The following CNTNAP4 variants were observed in gnomAD, a reference collection of about 807,000 sequenced individuals.
CNTNAP4 encodes the protein contactin associated protein family member 4.
CNTNAP4 carries 98 observed loss-of-function variants against 148.4 expected under a neutral mutation model. That is an observed-to-expected ratio of 0.66 (90% CI 0.56 to 0.78). The LOEUF is 0.78. Among genes scored for constraint, CNTNAP4 ranks in the 30% least tolerant of loss-of-function variants. The probability of loss-of-function intolerance (pLI) is 0.00; values close to 1 mark genes in which losing one functional copy is unlikely to be tolerated. For synonymous variants in CNTNAP4, 730 were observed against 565.1 expected (o/e 1.29, Z -4.14); for missense variants, 1,935 against 1,565.6 (o/e 1.24, Z -3.98).
chr16:76,468,028 G>C (rs1459120977), intron 10 of CNTNAP4, among the ~76,000 whole-genome samples: 3 of 152,074 alleles, frequency 2.0e-5, no homozygotes, highest in African/African-American at 7.2e-5. Flanking sequence ...TCTCTGGAGG[G>C]AAAATGAAAA....
chr16:76,407,950 C>A (rs377126422), intron 3 of CNTNAP4, among the ~76,000 whole-genome samples: 2 of 152,024 alleles, frequency 1.3e-5, no homozygotes, highest in African/African-American at 2.4e-5. Context: ...ACAGTCACCC[C>A]AACCTTCAGC....
chr16:76,328,603 A>G (rs1004307360), intron 2 of CNTNAP4, among the ~76,000 whole-genome samples: 3 of 152,186 alleles, frequency 2.0e-5, no homozygotes, highest in Non-Finnish European at 2.9e-5. Flanking sequence ...TAATGTATCA[A>G]TAGTGATGCA....
intron 4 of CNTNAP4, among the ~76,000 whole-genome samples, chr16:76,437,461 C>T (rs945456223): frequency 6.6e-6 from 1 of 152,124 alleles, no homozygotes; most frequent in Non-Finnish European, 1.5e-5. Flanking sequence ...AGGGTCATGG[C>T]AAAAGAATTC....
At chr16:76,373,004 A>C (rs960711449) in intron 3 of CNTNAP4, among the ~76,000 whole-genome samples, 1 of 152,226 alleles carries the variant, frequency 6.6e-6, no homozygotes, top group African/African-American at 2.4e-5. Flanking sequence ...GATTACTTCG[A>C]ATCTGAAATA....
intron 1 of CNTNAP4, among the ~76,000 whole-genome samples, chr16:76,315,629 C>A (rs1961644336): frequency 6.6e-6 from 1 of 151,868 alleles, no homozygotes; most frequent in African/African-American, 2.4e-5. Flanking sequence ...GCGTCTTACT[C>A]CGTCACCCAG....
At chr16:76,531,871 G>A (rs1290716167) in intron 17 of CNTNAP4, among the ~76,000 whole-genome samples, 1 of 152,078 alleles carries the variant, frequency 6.6e-6, no homozygotes, top group Non-Finnish European at 1.5e-5. Flanking sequence ...AAACTATTTG[G>A]TTAGGTAAAT....
At chr16:76,412,920 G>T (rs981821691) in intron 3 of CNTNAP4, among the ~76,000 whole-genome samples, 1 of 151,400 alleles carries the variant, frequency 6.6e-6, no homozygotes, top group Admixed American at 6.6e-5. Flanking sequence ...TCACATTTAT[G>T]TCTACAGTCT....
At chr16:76,510,965 T>C (rs923758654) in intron 15 of CNTNAP4, among the ~76,000 whole-genome samples, 4 of 152,294 alleles carry the variant, frequency 2.6e-5, no homozygotes, top group Middle Eastern at 6.8e-3. Flanking sequence ...GGAACAATTA[T>C]CCTTAAAGGT....
intron 14 of CNTNAP4, among the ~76,000 whole-genome samples, chr16:76,495,751 A>G (rs1417379836): frequency 6.6e-6 from 1 of 152,108 alleles, no homozygotes; most frequent in Non-Finnish European, 1.5e-5. Context: ...ACATTTCAGC[A>G]TAACGTATAT....
chr16:76,329,513 C>G (rs7188267), intron 2 of CNTNAP4, among the ~76,000 whole-genome samples: 39,474 of 152,026 alleles, frequency 0.26, 5,925 homozygotes, highest in Non-Finnish European at 0.35. Flanking sequence ...AGATGTGGTT[C>G]CATGAGAAAA....
chr16:76,364,626 A>T (rs1045024197), intron 3 of CNTNAP4, among the ~76,000 whole-genome samples: 1 of 152,122 alleles, frequency 6.6e-6, no homozygotes, highest in African/African-American at 2.4e-5. Flanking sequence ...TTCATTCCCC[A>T]GGAGGCTACA....
chr16:76,513,641 A>G (rs998052560), intron 15 of CNTNAP4, among the ~76,000 whole-genome samples: 3 of 152,226 alleles, frequency 2.0e-5, no homozygotes, highest in African/African-American at 7.2e-5. Flanking sequence ...CCAGATTACA[A>G]ATGGGCTGTA....
intron 4 of CNTNAP4, among the ~76,000 whole-genome samples, chr16:76,438,224 A>T (rs2079906730): frequency 6.6e-6 from 1 of 152,108 alleles, no homozygotes; most frequent in Admixed American, 6.6e-5. Context: ...CTGCAGACAC[A>T]TTTCCCTCAG....
intron 2 of CNTNAP4, among the ~76,000 whole-genome samples, chr16:76,325,920 C>G (rs996962391): frequency 1.3e-4 from 20 of 151,852 alleles, no homozygotes; most frequent in Admixed American, 1.2e-3. Context: ...CAAAACTGCA[C>G]TCAATAAATA....
In CNTNAP4 at chr16:76,277,704, G is replaced by C; in HGVS notation, c.42G>C (p.Leu14=). The C allele has an allele frequency of 6.2e-7, 1 of 1,606,070 alleles. No homozygotes were observed. The highest frequency in any genetic ancestry group is 8.5e-7 in the Non-Finnish European group (1 of 1,175,900). Residue 14 remains leucine, a synonymous_variant, in exon 1 of 24, where the codon CTG becomes CTC. Coordinates refer to ENST00000611870, the MANE Select transcript of CNTNAP4 (RefSeq NM_033401.5). ...GAGCTGTCCTCAAGACGCTACTTCTGTTATCTACTCAAAATTGGAACAGAG... is the reference window on the plus strand; with the variant it reads ...GAGCTGTCCTCAAGACGCTACTTCTCTTATCTACTCAAAATTGGAACAGAG... The part of the protein sequence containing the change: ...VTGAVLKTLL[L]LSTQNWNRVE...
At chr16:76,424,817 AAGAG>A (rs1238980825) in intron 3 of CNTNAP4, among the ~76,000 whole-genome samples, 3 of 152,092 alleles carry the variant, frequency 2.0e-5, no homozygotes, top group Non-Finnish European at 4.4e-5. Flanking sequence ...CCCAAAGAGA[AAGAG>A]AGAACAAAAT....
At chr16:76,554,857 A>G (rs550984791) in intron 23 of CNTNAP4, among the ~76,000 whole-genome samples, 1 of 152,084 alleles carries the variant, frequency 6.6e-6, no homozygotes, top group East Asian at 1.9e-4. Flanking sequence ...AAAACTTCTC[A>G]TGTGGCTTTC....
At position 76,507,419 on chromosome 16, in the gene CNTNAP4, C is replaced by G. The variant is rs1257531319; in HGVS notation, c.2365+8725C>G. Among the ~76,000 whole-genome samples, 2 of 96,694 alleles carry G rather than the reference C, an allele frequency of 2.1e-5. 1 individual carries two copies. Among genetic ancestry groups the G allele is most frequent in the Non-Finnish European group, 5.9e-5 (2 of 34,090 alleles). The allele number at this position is 96,694 out of a possible 152,430, so 63.4% of individuals were successfully genotyped here. On this transcript the variant is annotated intron_variant, in intron 15 of 23. Transcript: ENST00000611870. ...GTAATCATCCTTCTACTCTTTGTCTCCATGAGTTAAATTGTTTTCATTTTT... is the reference window on the plus strand; with the variant it reads ...GTAATCATCCTTCTACTCTTTGTCTGCATGAGTTAAATTGTTTTCATTTTT...
At chr16:76,471,229 T>C (rs2081362903) in intron 10 of CNTNAP4, among the ~76,000 whole-genome samples, 1 of 152,100 alleles carries the variant, frequency 6.6e-6, no homozygotes, top group Non-Finnish European at 1.5e-5. Flanking sequence ...AGTACAGAAC[T>C]GAAAAGGCAG....
Sources: allele counts gnomAD v4.1 joint callset (sites outside exome capture counted in the v4.1 genomes callset), GRCh38; gene constraint gnomAD v4.1.1; transcripts MANE v1.5; gene names NCBI Gene and HGNC (gene_info 2026-07-23, HGNC 2026-07-21).